The following CLDN10 variants were observed in gnomAD, a reference collection of about 807,000 sequenced individuals.
CLDN10 encodes claudin 10.
A neutral mutation model predicts 22.9 loss-of-function variants in CLDN10; 15 were observed. The ratio of observed to expected loss-of-function variants is 0.65; its 90% CI spans 0.44 to 1.01. CLDN10 has a LOEUF of 1.01. Among genes scored for constraint, CLDN10 ranks in the 50% least tolerant of loss-of-function variants. The pLI, the probability that CLDN10 is intolerant of heterozygous loss-of-function variation, is 0.00. For missense variants in CLDN10, 247 were observed against 287.8 expected (o/e 0.86, Z 1.03); for synonymous variants, 114 against 111.4 (o/e 1.02, Z -0.15).
At chr13:95,548,927 G>C (rs2043536849), upstream of CLDN10, among the ~76,000 whole-genome samples, 1 of 152,216 alleles carries the variant, frequency 6.6e-6, no homozygotes, top group Non-Finnish European at 1.5e-5. Flanking sequence ...TGAATCTCAA[G>C]TAAGGAATTT....
chr13:95,460,935 C>T (rs1435140244), intron 1 of CLDN10, among the ~76,000 whole-genome samples: 1 of 152,062 alleles, frequency 6.6e-6, no homozygotes, highest in Admixed American at 6.6e-5. Flanking sequence ...ATGGTGAAAC[C>T]CCATCTCTAC....
At chr13:95,517,065 A>G (rs1165700962) in intron 1 of CLDN10, among the ~76,000 whole-genome samples, 1 of 110,966 alleles carries the variant, frequency 9.0e-6, no homozygotes, top group Non-Finnish European at 1.8e-5. Flanking sequence ...TCCCTTTTTC[A>G]TTCTTTCTCT....
chr13:95,577,814 G>A, intron 4 of CLDN10, 86 bp from the exon 5 acceptor site: 1 of 749,290 alleles, frequency 1.3e-6, no homozygotes, highest in Non-Finnish European at 2.3e-6. Flanking sequence ...TTAGATATTG[G>A]CAGAGACAGG....
At chr13:95,546,599 C>T (rs927117660) in intron 1 of CLDN10, among the ~76,000 whole-genome samples, 2 of 152,112 alleles carry the variant, frequency 1.3e-5, no homozygotes, top group African/African-American at 2.4e-5. Flanking sequence ...TTTAAACTTC[C>T]TCTGATTTTC....
intron 1 of CLDN10, among the ~76,000 whole-genome samples, chr13:95,480,550 A>C (rs1294951296): frequency 6.6e-6 from 1 of 152,150 alleles, no homozygotes; most frequent in East Asian, 1.9e-4. Flanking sequence ...GCTCCTGCCC[A>C]CTGGGAGCCA....
chr13:95,538,853 A>G (rs114969374), intron 1 of CLDN10, among the ~76,000 whole-genome samples: 2,874 of 152,102 alleles, frequency 0.019, 97 homozygotes, highest in African/African-American at 0.066. Flanking sequence ...TAAGTACTCA[A>G]GTTGTTTGAT....
intron 1 of CLDN10, among the ~76,000 whole-genome samples, chr13:95,523,817 C>T (rs922498215): frequency 1.3e-5 from 2 of 152,126 alleles, no homozygotes; most frequent in South Asian, 4.1e-4. Flanking sequence ...GGCCAGATAA[C>T]TGTTGTTGGG....
intron 1 of CLDN10, among the ~76,000 whole-genome samples, chr13:95,459,710 T>C (rs2042516706): frequency 6.6e-6 from 1 of 152,240 alleles, no homozygotes; most frequent in African/African-American, 2.4e-5. Context: ...ACCTCTGACA[T>C]GCCCTGGAGA....
chr13:95,552,593 G>C, upstream of CLDN10: 1 of 836,222 alleles, frequency 1.2e-6, no homozygotes, highest in Non-Finnish European at 1.7e-6. Flanking sequence ...GCATGGGTGT[G>C]AGGGGTCGCG....
intron 1 of CLDN10, among the ~76,000 whole-genome samples, chr13:95,460,787 C>T (rs927377643): frequency 6.6e-6 from 1 of 151,864 alleles, no homozygotes; most frequent in Non-Finnish European, 1.5e-5. Flanking sequence ...GCTGTGATTA[C>T]AGGCACATAC....
intron 1 of CLDN10, among the ~76,000 whole-genome samples, chr13:95,519,352 A>T (rs991660953): frequency 6.6e-6 from 1 of 152,232 alleles, no homozygotes; most frequent in Non-Finnish European, 1.5e-5. Context: ...TCTGGTCACA[A>T]AAGGGCTGCC....
chr13:95,564,752 G>T (rs930777948), intron 3 of CLDN10, among the ~76,000 whole-genome samples: 6 of 152,176 alleles, frequency 3.9e-5, no homozygotes, highest in South Asian at 2.1e-4. Context: ...CAGGAGCTTT[G>T]TTGATGAGGA....
intron 3 of CLDN10, among the ~76,000 whole-genome samples, chr13:95,575,060 A>G (rs185386310): frequency 2.4e-4 from 37 of 152,310 alleles, no homozygotes; most frequent in Admixed American, 2.4e-3. Flanking sequence ...TTTGTAATCA[A>G]CCATGGTATC....
intron 1 of CLDN10, among the ~76,000 whole-genome samples, chr13:95,440,869 G>A (rs1183464515): frequency 2.0e-5 from 3 of 152,234 alleles, no homozygotes; most frequent in South Asian, 4.1e-4. Flanking sequence ...TGAAGATGGC[G>A]CTGGAGCGGT....
At chr13:95,451,641 T>A (rs1173583804) in intron 1 of CLDN10, among the ~76,000 whole-genome samples, 1 of 152,242 alleles carries the variant, frequency 6.6e-6, no homozygotes, top group African/African-American at 2.4e-5. Context: ...TGCATTGTGG[T>A]TACTTGTGCA....
rs753758293 is a variant in CLDN10 at position 95,434,092 on chromosome 13, T to C, written c.214+45T>C. 1.0e-5 allele frequency: 16 copies of C among 1,540,714 alleles called. No homozygotes were observed. In the South Asian group the frequency reaches 1.5e-4, roughly 14 times the overall value. Reference sequence around the variant, plus strand: ...TTGGGGTGGAGGTAAAATGTACTTTTCCCCCCGACTGTGCTGAAGTAGCTG... The same window carrying C: ...TTGGGGTGGAGGTAAAATGTACTTTCCCCCCCGACTGTGCTGAAGTAGCTG... On this transcript the variant is annotated intron_variant, in intron 1 of 4. Coordinates refer to the CLDN10 transcript ENST00000376873.
chr13:95,483,897 G>T (rs1011366831), intron 1 of CLDN10, among the ~76,000 whole-genome samples: 2 of 152,158 alleles, frequency 1.3e-5, no homozygotes, highest in African/African-American at 2.4e-5. Context: ...CCTTTGGGAG[G>T]TGATTAGGTC....
intron 1 of CLDN10, among the ~76,000 whole-genome samples, chr13:95,452,561 C>T (rs536463424): frequency 5.9e-5 from 9 of 152,278 alleles, no homozygotes; most frequent in African/African-American, 9.6e-5. Flanking sequence ...AGCTCCTCAG[C>T]TGCTGGATTC....
chr13:95,480,501 G>A (rs1566292296), intron 1 of CLDN10, among the ~76,000 whole-genome samples: 1 of 152,190 alleles, frequency 6.6e-6, no homozygotes. Flanking sequence ...AGCCATTGTG[G>A]TCCCCTGAGC....
Sources: allele counts gnomAD v4.1 joint callset (sites outside exome capture counted in the v4.1 genomes callset), GRCh38; gene constraint gnomAD v4.1.1; transcripts MANE v1.5; gene names NCBI Gene and HGNC (gene_info 2026-07-23, HGNC 2026-07-21).